TGFBRAP1: variants seen among roughly 807,000 people sequenced by gnomAD.
The protein encoded by TGFBRAP1 is transforming growth factor beta receptor associated protein 1, also known as transforming growth factor-beta receptor-associated protein 1.
A neutral mutation model predicts 83.2 loss-of-function variants in TGFBRAP1; 20 were observed. The ratio of observed to expected loss-of-function variants is 0.24; its 90% CI spans 0.17 to 0.35. The LOEUF (loss-of-function observed/expected upper bound fraction) is 0.35, where lower values mean the gene tolerates loss of function less well. Ranked by LOEUF, TGFBRAP1 falls within the 10% of genes least tolerant of loss-of-function variation. The pLI, the probability that TGFBRAP1 is intolerant of heterozygous loss-of-function variation, is 1.00. For missense variants in TGFBRAP1, 950 were observed against 1,099.4 expected (o/e 0.86, Z 1.92); for synonymous variants, 415 against 459.8 (o/e 0.90, Z 1.25).
chr2:105,313,208 G>A (rs906693216), intron 1 of TGFBRAP1, among the ~76,000 whole-genome samples: 5 of 152,136 alleles, frequency 3.3e-5, no homozygotes, highest in East Asian at 1.9e-4. Flanking sequence ...TGTTCTTTCC[G>A]GCTACACATG....
chr2:105,316,460 T>TGCGCGCGCGCGC (rs1247975846), intron 1 of TGFBRAP1, among the ~76,000 whole-genome samples: 2 of 66,932 alleles, frequency 3.0e-5, no homozygotes, highest in African/African-American at 6.4e-5. Flanking sequence ...TGTGTGTGTG[T>TGCGCGCGCGCGC]GTGCGCGCGC....
At position 105,307,846 on chromosome 2, in the gene TGFBRAP1, C is replaced by T; in HGVS notation, c.456G>A (p.Leu152=). ...SVKRRTIQMF[L]VYEDRVQIVK... The stretch of plus-strand genomic sequence containing the variant: ...CGATCTGCACCCGGTCCTCGTACAC[C>T]AGAAACATCTGGATGGTTCTGCGTT... The change falls in exon 2 of 12, where the codon CTG becomes CTA. Residue 152 remains leucine (L), a synonymous_variant. Transcript: ENST00000393359. 1.9e-6 allele frequency: 3 copies of T among 1,614,210 alleles called. No homozygotes were observed. Among genetic ancestry groups the T allele is most frequent in the Non-Finnish European group, 2.5e-6 (3 of 1,180,040 alleles).
chr2:105,300,661 T>C (rs1027744550), intron 2 of TGFBRAP1, among the ~76,000 whole-genome samples: 2 of 152,034 alleles, frequency 1.3e-5, no homozygotes, highest in Non-Finnish European at 2.9e-5. Flanking sequence ...GGTCTCGAAC[T>C]CCTGACCTCA....
chr2:105,275,790 A>G (rs1677320518), intron 7 of TGFBRAP1, 87 bp from the exon 8 acceptor site: 9 of 1,386,364 alleles, frequency 6.5e-6, no homozygotes, highest in Non-Finnish European at 8.7e-6. Context: ...GAGAAATGGC[A>G]TATGTTTACT....
rs77999436 is a variant in TGFBRAP1, at chr2:105,298,329, C to G, written c.883+182G>C. Among the ~76,000 whole-genome samples the G allele has an allele frequency of 8.1e-3, 1,240 of 152,286 alleles. 19 individuals carry two copies. Among genetic ancestry groups the G allele is most frequent in the African/African-American group, 0.029 (1,194 of 41,562 alleles). Reference sequence around the variant, plus strand: ...TGATCAAGCTTTTATACTGCCATAGCTATTTGTTTAAATGTCTGTCTCCCC... The same window carrying G: ...TGATCAAGCTTTTATACTGCCATAGGTATTTGTTTAAATGTCTGTCTCCCC... On this transcript the variant is annotated intron_variant, in intron 3 of 11. Transcript: ENST00000393359.
Position 105,308,310 on chromosome 2 carries a change from G to A in TGFBRAP1, c.-9C>T. The A allele has an allele frequency of 6.3e-7, 1 of 1,594,110 alleles. No homozygotes were observed. Among genetic ancestry groups the A allele is most frequent in the Non-Finnish European group, 8.6e-7 (1 of 1,165,352 alleles). ...GCTTTGATGCTCATCATGTCTACTGGCTGATCTGCTGGAAGAGAAAGAGGA... is the reference window on the plus strand; with the variant it reads ...GCTTTGATGCTCATCATGTCTACTGACTGATCTGCTGGAAGAGAAAGAGGA... On this transcript the variant is annotated 5_prime_UTR_variant, in exon 2 of 12. Coordinates refer to ENST00000393359, the MANE Select transcript of TGFBRAP1 (RefSeq NM_004257.6).
chr2:105,291,024 A>T (rs2104359416), intron 4 of TGFBRAP1, among the ~76,000 whole-genome samples: 1 of 152,152 alleles, frequency 6.6e-6, no homozygotes, highest in Admixed American at 6.5e-5. Context: ...TAAATCAATA[A>T]AATTTTCTAA....
chr2:105,308,295 T>G lies in TGFBRAP1; in HGVS notation c.7A>C (p.Ser3Arg), dbSNP rs1351381009. Residue 3 changes from serine to arginine, a missense_variant, in exon 2 of 12, where the codon AGC becomes CGC. Ser to Arg is a moderately radical substitution (Grantham distance 110). Transcript: ENST00000393359. ...GAGACAAGCGTAAAGGCTTTGATGC[T>G]CATCATGTCTACTGGCTGATCTGCT... MMSIKAFTLVSAV... is the reference protein window; with the variant it reads MMRIKAFTLVSAV... 1 of 1,605,248 alleles carries G rather than the reference T, an allele frequency of 6.2e-7. No individual in the cohort carries two copies. The highest frequency in any genetic ancestry group is 8.5e-7 in the Non-Finnish European group (1 of 1,172,848).
At chr2:105,308,483 C>A (rs1678596097) in intron 1 of TGFBRAP1, among the ~76,000 whole-genome samples, 165 bp from the exon 2 acceptor site, 1 of 152,186 alleles carries the variant, frequency 6.6e-6, no homozygotes, top group Non-Finnish European at 1.5e-5. Context: ...CCTCCCCCAT[C>A]AGACAGCAGA....
intron 4 of TGFBRAP1, among the ~76,000 whole-genome samples, chr2:105,287,735 T>A (rs921680427): frequency 2.0e-5 from 3 of 152,110 alleles, no homozygotes; most frequent in Non-Finnish European, 4.4e-5. Context: ...AGTCTGTAAT[T>A]AGCACTCCTA....
In TGFBRAP1 at chr2:105,272,911, G is replaced by A; in HGVS notation, c.1916C>T (p.Ala639Val). ...GKGAEATETQ[A>V]KLRRLLQKSD... is the part of the protein sequence containing the mutation. ...TTTCTGGAGCAGCCGCCGCAGCTTG[G>A]CCTGCGTCTCGGTGGCCTCTGCACC... is the stretch of plus-strand genomic sequence containing the variant. Residue 639 changes from alanine (A) to valine (V), a missense_variant, in exon 10 of 12, where the codon GCC becomes GTC. Ala to Val is a moderately conservative substitution (Grantham distance 64). Coordinates refer to ENST00000393359, the MANE Select transcript of TGFBRAP1 (RefSeq NM_004257.6). 3.7e-6 allele frequency: 6 copies of A among 1,610,582 alleles called. No individual in the cohort carries two copies. The highest frequency in any genetic ancestry group is 5.1e-6 in the Non-Finnish European group (6 of 1,179,960).
intron 1 of TGFBRAP1, among the ~76,000 whole-genome samples, chr2:105,327,798 C>CA (rs1056721171): frequency 1.3e-5 from 2 of 152,092 alleles, no homozygotes; most frequent in African/African-American, 4.8e-5. Context: ...AGAGGACTGC[C>CA]ATGCACAATC....
At chr2:105,322,856 A>G (rs1679108120) in intron 1 of TGFBRAP1, among the ~76,000 whole-genome samples, 1 of 152,158 alleles carries the variant, frequency 6.6e-6, no homozygotes, top group Non-Finnish European at 1.5e-5. Context: ...AGCTCTAAAA[A>G]CCAAACCTAT....
chr2:105,306,680 C>T (rs1418301785), intron 2 of TGFBRAP1, among the ~76,000 whole-genome samples: 2 of 152,038 alleles, frequency 1.3e-5, no homozygotes, highest in African/African-American at 4.8e-5. Context: ...TGCCTGAAAT[C>T]TCAGCTATTT....
chr2:105,260,435 T>C (rs935738122), downstream of TGFBRAP1, among the ~76,000 whole-genome samples: 5 of 152,096 alleles, frequency 3.3e-5, no homozygotes, highest in African/African-American at 4.8e-5. Flanking sequence ...AATTCTGACG[T>C]ATGCTACAAT....
At chr2:105,257,636 T>A in the TGFBRAP1 span, among the ~76,000 whole-genome samples, 10 of 152,358 alleles carry the variant, frequency 6.6e-5, no homozygotes, top group East Asian at 9.6e-4. Flanking sequence ...TCATGGGTTT[T>A]AAATTGTATA....
At chr2:105,292,130 CT>C (rs1444243982) in intron 4 of TGFBRAP1, among the ~76,000 whole-genome samples, 1 of 152,184 alleles carries the variant, frequency 6.6e-6, no homozygotes, top group Non-Finnish European at 1.5e-5. Context: ...CATAGGACTG[CT>C]TTAGAAAACC....
intron 3 of TGFBRAP1, among the ~76,000 whole-genome samples, chr2:105,297,794 T>G (rs1200765054): frequency 2.0e-5 from 3 of 152,338 alleles, no homozygotes; most frequent in Non-Finnish European, 4.4e-5. Flanking sequence ...GGAAGAATTT[T>G]GGGATTAAAT....
Position 105,269,163 on chromosome 2 carries a change from T to C in TGFBRAP1, c.2406+109A>G, listed in dbSNP as rs980550675. On this transcript the variant is annotated intron_variant, in intron 11 of 11. Transcript: ENST00000393359. The surrounding 1 kb of genome is among the most constrained non-coding windows in gnomAD (Gnocchi z 4.1). ...ATCAGATATTGATGTGTTGTAGTCATAGAGACAGAAAAAAGAAAAACCAAC... is the reference window on the plus strand; with the variant it reads ...ATCAGATATTGATGTGTTGTAGTCACAGAGACAGAAAAAAGAAAAACCAAC... 8.5e-5 allele frequency: 114 copies of C among 1,340,136 alleles called. No individual in the cohort carries two copies. In the East Asian group the frequency reaches 1.7e-3, roughly 20 times the overall value. The allele number at this position is 1,340,136 out of a possible 1,614,324, so 83.0% of individuals were successfully genotyped here.
Sources: allele counts gnomAD v4.1 joint callset (sites outside exome capture counted in the v4.1 genomes callset), GRCh38; gene constraint gnomAD v4.1.1; non-coding constraint Gnocchi (gnomAD v3.1); transcripts MANE v1.5; gene names NCBI Gene and HGNC (gene_info 2026-07-23, HGNC 2026-07-21).